Variants in MYT1L observed in about 807,000 individuals in gnomAD.
MYT1L encodes the protein myelin transcription factor 1 like.
Under a neutral mutation model 126.7 loss-of-function variants are expected in MYT1L, and 12 were observed. That is an observed-to-expected ratio of 0.09 (90% CI 0.06 to 0.15). The LOEUF is 0.15. Ranked by LOEUF, MYT1L falls within the 10% of genes least tolerant of loss-of-function variation. The probability of loss-of-function intolerance (pLI) is 1.00; values close to 1 mark genes in which losing one functional copy is unlikely to be tolerated. For missense variants in MYT1L, 979 were observed against 1,585.2 expected (o/e 0.62, Z 6.49); for synonymous variants, 541 against 604.2 (o/e 0.90, Z 1.53).
intron 23 of MYT1L, among the ~76,000 whole-genome samples, chr2:1,798,897 A>G (rs756466877): frequency 6.6e-6 from 1 of 152,162 alleles, no homozygotes; most frequent in Non-Finnish European, 1.5e-5. Context: ...GTGGGCGCAC[A>G]TTGTTTTCTG....
chr2:2,078,261 T>C (rs933405502), intron 3 of MYT1L, among the ~76,000 whole-genome samples: 1 of 151,926 alleles, frequency 6.6e-6, no homozygotes, highest in African/African-American at 2.4e-5. Flanking sequence ...ATGGCAAAAA[T>C]AGGGAAATAG....
At chr2:2,085,375 G>A (rs1401071039) in intron 3 of MYT1L, among the ~76,000 whole-genome samples, 11 of 152,036 alleles carry the variant, frequency 7.2e-5, no homozygotes, top group Admixed American at 3.3e-4. Context: ...TCACAGGCAC[G>A]TTCCTGGGAA....
rs748309046 is a variant in MYT1L at position 1,917,334 on chromosome 2, A to T, written c.1489T>A (p.Ser497Thr). The T allele has an allele frequency of 8.7e-6, 14 of 1,608,860 alleles. No homozygotes were observed. Among genetic ancestry groups the T allele is most frequent in the Non-Finnish European group, 1.2e-5 (14 of 1,176,414 alleles). ...VKKPYYGKDP[S>T]RTEKKESKCP... ...TTGCTCTCTTTCTTTTCTGTTCTTG[A>T]GGGATCTAAAAGCGACAACAGGTGC... The change falls in exon 11 of 25, where the codon TCA becomes ACA. Residue 497 changes from serine (S) to threonine (T), a missense_variant. By Grantham distance (58) the Ser-to-Thr change is moderately conservative. Around this residue, in one of 12 missense-constraint regions of MYT1L, gnomAD observed 67 missense variants for 80.3 expected, o/e 0.83. Transcript: ENST00000647738. The surrounding 1 kb of genome is among the most constrained non-coding windows in gnomAD (Gnocchi z 5.9).
intron 19 of MYT1L, among the ~76,000 whole-genome samples, chr2:1,844,508 T>A (rs2042238917): frequency 6.6e-6 from 1 of 152,118 alleles, no homozygotes; most frequent in African/African-American, 2.4e-5. Flanking sequence ...TGACTATTTG[T>A]GAGAAGGATC....
At chr2:2,297,303 A>G (rs760806013) in intron 1 of MYT1L, among the ~76,000 whole-genome samples, 17 of 152,230 alleles carry the variant, frequency 1.1e-4, no homozygotes, top group Non-Finnish European at 1.6e-4. Flanking sequence ...AGGAAGCATC[A>G]TGAAATTGCA....
chr2:2,316,676 T>C (rs2149655135), intron 1 of MYT1L, among the ~76,000 whole-genome samples: 1 of 152,348 alleles, frequency 6.6e-6, no homozygotes, highest in Non-Finnish European at 1.5e-5. Flanking sequence ...TGGCATTATT[T>C]CTGTGTAAAG....
rs565262288 is a variant in MYT1L, at chr2:1,926,399, A to G, written c.506-3136T>C. Among the ~76,000 whole-genome samples the G allele has an allele frequency of 2.0e-5, 3 of 152,224 alleles. No homozygotes were observed. In the East Asian group the frequency reaches 5.8e-4, roughly 29 times the overall value. ...TGGTTGTACACACTCCCTTCCAGGT[A>G]TGCTTTTCTGAGGCTAATAATGAAA... On this transcript the variant is annotated intron_variant, in intron 9 of 24. Coordinates refer to ENST00000647738, the MANE Select transcript of MYT1L (RefSeq NM_001303052.2).
intron 15 of MYT1L, among the ~76,000 whole-genome samples, chr2:1,891,768 T>A (rs1267971127): frequency 6.6e-6 from 1 of 152,192 alleles, no homozygotes; most frequent in Non-Finnish European, 1.5e-5. Context: ...TGCTTCTGGA[T>A]CCTGGAGAGA....
chr2:2,273,433 T>G (rs2095303705), intron 2 of MYT1L, among the ~76,000 whole-genome samples: 1 of 152,218 alleles, frequency 6.6e-6, no homozygotes. Flanking sequence ...GGACTGGGGC[T>G]ATGGTTTGGT....
intron 8 of MYT1L, among the ~76,000 whole-genome samples, chr2:1,952,187 G>A (rs916517926): frequency 5.3e-5 from 8 of 152,066 alleles, no homozygotes; most frequent in South Asian, 2.1e-4. Flanking sequence ...GAACCTCTTA[G>A]GGAATTTAAA....
intron 2 of MYT1L, among the ~76,000 whole-genome samples, chr2:2,178,638 A>G (rs936207078): frequency 2.6e-5 from 4 of 152,144 alleles, no homozygotes; most frequent in Admixed American, 2.6e-4. Context: ...CCACTCATGG[A>G]TAGTGAGGAC....
chr2:1,796,034 A>G (rs1441634436), intron 23 of MYT1L, among the ~76,000 whole-genome samples: 1 of 152,204 alleles, frequency 6.6e-6, no homozygotes, highest in Non-Finnish European at 1.5e-5. Flanking sequence ...TTTAGTGGTA[A>G]GAAAAAAAAC....
intron 4 of MYT1L, among the ~76,000 whole-genome samples, chr2:2,026,987 G>A (rs2065683242): frequency 6.6e-6 from 1 of 152,168 alleles, no homozygotes; most frequent in South Asian, 2.1e-4. Context: ...AGCCCCAAGT[G>A]ACGCCCAGAG....
intron 2 of MYT1L, among the ~76,000 whole-genome samples, chr2:2,173,949 T>G (rs553294231): frequency 6.6e-6 from 1 of 152,270 alleles, no homozygotes; most frequent in South Asian, 2.1e-4. Context: ...CAAGTGGAAC[T>G]TGAAATAAGA....
intron 3 of MYT1L, among the ~76,000 whole-genome samples, chr2:2,170,318 G>A (rs2089839055): frequency 1.3e-5 from 2 of 152,204 alleles, no homozygotes; most frequent in South Asian, 4.1e-4. Flanking sequence ...TACCGACGCT[G>A]TAAATAAGGG....
chr2:2,118,619 ATC>A (rs1411803145), intron 3 of MYT1L, among the ~76,000 whole-genome samples: 7 of 152,258 alleles, frequency 4.6e-5, no homozygotes, highest in Non-Finnish European at 8.8e-5. Context: ...AAATTTTAAA[ATC>A]GACAACAAAA....
At chr2:2,210,739 G>A (rs1327132060) in intron 2 of MYT1L, among the ~76,000 whole-genome samples, 4 of 151,964 alleles carry the variant, frequency 2.6e-5, no homozygotes, top group Non-Finnish European at 5.9e-5. Flanking sequence ...ATTAATTTTA[G>A]GATATTTTTT....
At chr2:1,913,576 T>C (rs1186753077) in intron 11 of MYT1L, among the ~76,000 whole-genome samples, 1 of 152,120 alleles carries the variant, frequency 6.6e-6, no homozygotes, top group African/African-American at 2.4e-5. Context: ...CTTTCTTCTT[T>C]ATCATTTGTC....
chr2:1,851,835 C>T (rs761530157), intron 18 of MYT1L, 132 bp from the exon 19 acceptor site: 17 of 824,104 alleles, frequency 2.1e-5, no homozygotes, highest in Middle Eastern at 3.1e-4. Flanking sequence ...TGAGTGGAGC[C>T]GGAAGCTCCC....
Sources: allele counts gnomAD v4.1 joint callset (sites outside exome capture counted in the v4.1 genomes callset), GRCh38; gene constraint gnomAD v4.1.1; regional missense constraint gnomAD v4.1.1; non-coding constraint Gnocchi (gnomAD v3.1); transcripts MANE v1.5; gene names NCBI Gene and HGNC (gene_info 2026-07-23, HGNC 2026-07-21).